The following SRPK2 variants were observed in gnomAD, a reference collection of about 807,000 sequenced individuals.
The protein encoded by SRPK2 is SFRS protein kinase 2.
Under a neutral mutation model 90.8 loss-of-function variants are expected in SRPK2, and 21 were observed. That is an observed-to-expected ratio of 0.23 (90% CI 0.16 to 0.33). The LOEUF (loss-of-function observed/expected upper bound fraction) is 0.33. Among genes scored for constraint, SRPK2 ranks in the 10% least tolerant of loss-of-function variants. SRPK2 has a pLI of 1.00. For synonymous variants in SRPK2, 288 were observed against 311.1 expected, an observed-to-expected ratio of 0.93 and a Z score of 0.78; for missense variants, 620 against 869.0, an observed-to-expected ratio of 0.71 and a Z score of 3.60.
chr7:105,131,893 CG>C (rs1802056942), intron 13 of SRPK2, among the ~76,000 whole-genome samples: 1 of 152,092 alleles, frequency 6.6e-6, no homozygotes, highest in African/African-American at 2.4e-5. Context: ...TTTCCCAACA[CG>C]GAACGCCTAA....
rs544916866 is a variant in SRPK2, at chr7:105,157,991, A to C, written c.621+2516T>G. 7.9e-5 allele frequency among the ~76,000 whole-genome samples: 12 copies of C among 152,302 alleles called. No individual in the cohort carries two copies. The South Asian group carries it at 2.5e-3, about 32-fold the overall frequency. ...TGAGGTGGGAGGATCACTAGAGCCC[A>C]GGAGGCCAAGGCTGCAGTGAGCTGT... is the stretch of plus-strand genomic sequence containing the variant. On this transcript the variant is annotated intron_variant, in intron 7 of 15. Coordinates refer to ENST00000393651, the MANE Select transcript of SRPK2 (RefSeq NM_182692.3).
At chr7:105,389,247 G>A (rs771375222), upstream of SRPK2, 7 of 1,253,782 alleles carry the variant, frequency 5.6e-6, no homozygotes, top group South Asian at 5.2e-5. Context: ...TCCGCACCCC[G>A]GCCGGTCGCG....
rs150381884 is a variant in SRPK2, at chr7:105,397,087, A to G, written n.153+2069T>C. ...GGCTGGAGTGCAATGGCGTGATCTC[A>G]GCTCACTACAACTTCCGCCTCATGG... On this transcript the variant is annotated intron_variant and non_coding_transcript_variant, in intron 1 of 3. Transcript: ENST00000462282. Among the ~76,000 whole-genome samples, 1,183 of 150,188 alleles carry G rather than the reference A, an allele frequency of 7.9e-3. 19 individuals carry two copies. The highest frequency in any genetic ancestry group is 0.028 in the African/African-American group (1,126 of 40,808).
At chr7:105,229,846 C>G (rs1030219430) in intron 2 of SRPK2, among the ~76,000 whole-genome samples, 1 of 152,170 alleles carries the variant, frequency 6.6e-6, no homozygotes, top group African/African-American at 2.4e-5. Context: ...AACAGCGAAG[C>G]TGAGTCGCTG....
chr7:105,159,463 A>AAACAAAAAAAAAAAAAAAAAC (rs944230531), intron 7 of SRPK2, among the ~76,000 whole-genome samples: 1 of 146,522 alleles, frequency 6.8e-6, no homozygotes, highest in African/African-American at 2.6e-5. Flanking sequence ...AAAAAAAAAA[A>AAACAAAAAAAAAAAAAAAAAC]AAAAAAAAAA....
chr7:105,293,213 G>A (rs936858270), intron 2 of SRPK2, among the ~76,000 whole-genome samples: 1 of 151,898 alleles, frequency 6.6e-6, no homozygotes, highest in Non-Finnish European at 1.5e-5. Context: ...CAAGATAACT[G>A]CTTGAACCAG....
chr7:105,152,942 A>C (rs1327382893), intron 7 of SRPK2, among the ~76,000 whole-genome samples: 1 of 152,122 alleles, frequency 6.6e-6, no homozygotes, highest in Non-Finnish European at 1.5e-5. Flanking sequence ...TCTGAGGCAC[A>C]AGAATTGCTT....
intron 2 of SRPK2, among the ~76,000 whole-genome samples, chr7:105,326,261 G>A (rs550355174): frequency 6.6e-6 from 1 of 152,244 alleles, no homozygotes; most frequent in Admixed American, 6.5e-5. Flanking sequence ...ATGCTCTCTA[G>A]TCTCCTAGCT....
In SRPK2 at chr7:105,388,847, G is replaced by A; in HGVS notation, c.-41C>T. 1.5e-6 allele frequency: 2 copies of A among 1,317,180 alleles called. No individual in the cohort carries two copies. Among genetic ancestry groups the A allele is most frequent in the Non-Finnish European group, 1.9e-6 (2 of 1,039,124 alleles). 81.6% of individuals were successfully genotyped at this position (1,317,180 alleles called of 1,614,324 possible). A position where few individuals can be genotyped will look rare whatever the true frequency, so the allele number is the denominator to read the frequency against. On this transcript the variant is annotated 5_prime_UTR_variant, in exon 1 of 16. Coordinates refer to ENST00000393651, the MANE Select transcript of SRPK2 (RefSeq NM_182692.3). Reference sequence around the variant, plus strand: ...GCGGGGCGGGGGGCTTCGCGACGGCGACGCGGGCGCCGAGACGAGCTGGGC... The same window carrying A: ...GCGGGGCGGGGGGCTTCGCGACGGCAACGCGGGCGCCGAGACGAGCTGGGC...
rs1225015605 is a variant in SRPK2 at position 105,168,109 on chromosome 7, C to CA, written c.339-15dup. The CA allele has an allele frequency of 1.9e-6, 3 of 1,582,822 alleles. No homozygotes were observed. The highest frequency in any genetic ancestry group is 2.2e-5 in the East Asian group (1 of 44,510). ...AATCTTTTCCCCCTAAAAGAAAAAA[C>CA]AAAAAAAGAGTCTATTTATCTATAT... On this transcript the variant is annotated splice_polypyrimidine_tract_variant and intron_variant, in intron 4 of 15. Coordinates refer to ENST00000393651, the MANE Select transcript of SRPK2 (RefSeq NM_182692.3).
intron 11 of SRPK2, among the ~76,000 whole-genome samples, chr7:105,139,187 G>C (rs541870837): frequency 6.6e-6 from 1 of 152,128 alleles, no homozygotes; most frequent in Non-Finnish European, 1.5e-5. Flanking sequence ...TACACTGATC[G>C]GGTGAGCATA....
intron 2 of SRPK2, chr7:105,205,913 A>C (rs1157552103): frequency 4.0e-6 from 2 of 505,414 alleles, no homozygotes; most frequent in Non-Finnish European, 7.9e-6. Context: ...ATAAAAAATG[A>C]GTACATTCTC....
rs576535145 is a variant in SRPK2, at chr7:105,278,491, C to T, written c.72-74706G>A. On this transcript the variant is annotated intron_variant, in intron 2 of 15. Coordinates refer to ENST00000393651, the MANE Select transcript of SRPK2 (RefSeq NM_182692.3). Reference sequence around the variant, plus strand: ...CAGTTCGAGACCAGCCTGGCCAACACGGTGAACCCCATCTCTAATAAAAAT... The same window carrying T: ...CAGTTCGAGACCAGCCTGGCCAACATGGTGAACCCCATCTCTAATAAAAAT... Among the ~76,000 whole-genome samples the T allele has an allele frequency of 5.0e-5, 7 of 140,174 alleles. No individual in the cohort carries two copies. The South Asian group carries it at 6.9e-4, about 14-fold the overall frequency. 92.0% of individuals were successfully genotyped at this position (140,174 alleles called of 152,430 possible).
intron 3 of SRPK2, among the ~76,000 whole-genome samples, chr7:105,191,056 G>C (rs963457466): frequency 1.3e-5 from 2 of 152,108 alleles, no homozygotes; most frequent in Non-Finnish European, 2.9e-5. Context: ...TACAAAATTA[G>C]AAAGAAATTG....
chr7:105,299,977 G>C (rs1318679875), intron 2 of SRPK2, among the ~76,000 whole-genome samples: 3 of 151,894 alleles, frequency 2.0e-5, no homozygotes, highest in Non-Finnish European at 4.4e-5. Flanking sequence ...AGCATATGAA[G>C]TGCCCATCAA....
Position 105,358,011 on chromosome 7 carries a change from G to T in SRPK2, c.71+30637C>A, listed in dbSNP as rs571922248. Reference sequence around the variant, plus strand: ...AGGCTGAGGTGGGTGGATCACAAAGGTCAAGAGATCAAGACCATCCTGACC... The same window carrying T: ...AGGCTGAGGTGGGTGGATCACAAAGTTCAAGAGATCAAGACCATCCTGACC... On this transcript the variant is annotated intron_variant, in intron 2 of 15. Coordinates refer to ENST00000393651, the MANE Select transcript of SRPK2 (RefSeq NM_182692.3). 4.5e-3 allele frequency among the ~76,000 whole-genome samples: 686 copies of T among 151,994 alleles called. 4 individuals carry two copies. The highest frequency in any genetic ancestry group is 8.0e-3 in the Non-Finnish European group (541 of 67,970).
intron 15 of SRPK2, among the ~76,000 whole-genome samples, chr7:105,119,414 CTCT>C (rs1800015211): frequency 2.0e-5 from 3 of 152,290 alleles, no homozygotes; most frequent in Admixed American, 6.5e-5. Flanking sequence ...CCCACAACTG[CTCT>C]TCTTTTGTGT....
At chr7:105,193,326 A>C (rs1794534775) in intron 3 of SRPK2, among the ~76,000 whole-genome samples, 1 of 152,098 alleles carries the variant, frequency 6.6e-6, no homozygotes, top group Admixed American at 6.5e-5. Flanking sequence ...TTGCTTTGTC[A>C]AAGATCAGTT....
At chr7:105,235,647 A>C (rs972640127) in intron 2 of SRPK2, among the ~76,000 whole-genome samples, 1 of 152,200 alleles carries the variant, frequency 6.6e-6, no homozygotes, top group Non-Finnish European at 1.5e-5. Flanking sequence ...TTGCTTTTTC[A>C]TATGATCTAT....
Sources: allele counts gnomAD v4.1 joint callset (sites outside exome capture counted in the v4.1 genomes callset), GRCh38; gene constraint gnomAD v4.1.1; transcripts MANE v1.5; gene names NCBI Gene and HGNC (gene_info 2026-07-23, HGNC 2026-07-21).